Variants in ZZEF1 observed in about 807,000 individuals in gnomAD.
The protein encoded by ZZEF1 is zinc finger ZZ-type and EF-hand domain containing 1, also known as zinc finger ZZ-type and EF-hand domain-containing protein 1.
In ZZEF1, 157 loss-of-function variants were observed where a neutral mutation model predicts 342.8. The observed-to-expected ratio is 0.46, with a 90% CI of 0.40 to 0.52. The LOEUF is 0.52. Among genes scored for constraint, ZZEF1 ranks in the 20% least tolerant of loss-of-function variants. ZZEF1 has a pLI of 0.00. For missense variants in ZZEF1, 3,480 were observed against 3,725.6 expected (o/e 0.93, Z 1.72); for synonymous variants, 1,505 against 1,429.1 (o/e 1.05, Z -1.20).
At chr17:4,133,901 C>T (rs2058708415) in intron 1 of ZZEF1, among the ~76,000 whole-genome samples, 1 of 151,914 alleles carries the variant, frequency 6.6e-6, no homozygotes, top group Admixed American at 6.6e-5. Flanking sequence ...AACAAAGTCT[C>T]ACTATGTTAC....
rs1438788406 is a variant in ZZEF1 at position 4,017,388 on chromosome 17, T to G, written c.7984A>C (p.Lys2662Gln). 1.9e-6 allele frequency: 3 copies of G among 1,599,074 alleles called. No homozygotes were observed. The highest frequency in any genetic ancestry group is 2.6e-6 in the Non-Finnish European group (3 of 1,168,852). Residue 2662 changes from lysine to glutamine, a missense_variant, in exon 48 of 55, where the codon AAG becomes CAG. Lys to Gln is a moderately conservative substitution (Grantham distance 53). Coordinates refer to ENST00000381638, the MANE Select transcript of ZZEF1 (RefSeq NM_015113.4). The surrounding 1 kb of genome is among the most constrained non-coding windows in gnomAD (Gnocchi z 5.1). ...ATAACTACCTTCTCCCACTCATGCT[T>G]TTCTTCCAGCTGCATGAACATATCC... is the stretch of plus-strand genomic sequence containing the variant. ...ILDMFMQLEE[K>Q]HEWEKILQKV...
At chr17:4,010,905 A>T (rs1378747605) in intron 52 of ZZEF1, among the ~76,000 whole-genome samples, 1 of 152,022 alleles carries the variant, frequency 6.6e-6, no homozygotes, top group African/African-American at 2.4e-5. Context: ...GGTTTTCTAC[A>T]ATGCTCACTG....
At chr17:4,112,084 ATATATATATGTTT>A (rs1441906221) in intron 5 of ZZEF1, among the ~76,000 whole-genome samples, 57 of 48,270 alleles carry the variant, frequency 1.2e-3, no homozygotes, top group Non-Finnish European at 1.7e-3. Flanking sequence ...ATATATATAT[ATATATATATGTTT>A]TGTTTTGTTT....
intron 18 of ZZEF1, among the ~76,000 whole-genome samples, chr17:4,080,441 G>T: frequency 6.6e-6 from 1 of 152,164 alleles, no homozygotes; most frequent in East Asian, 1.9e-4. Flanking sequence ...CCAGGTTCAA[G>T]CGATTCTCCT....
chr17:4,054,046 A>G lies in ZZEF1; in HGVS notation c.5434+11T>C. 6.2e-7 allele frequency: 1 copy of G among 1,608,484 alleles called. No individual in the cohort carries two copies. Among genetic ancestry groups the G allele is most frequent in the South Asian group, 1.1e-5 (1 of 89,832 alleles). On this transcript the variant is annotated intron_variant, in intron 34 of 54. Coordinates refer to ENST00000381638, the MANE Select transcript of ZZEF1 (RefSeq NM_015113.4). ...CCTTTGGATACGGCGTACCCAGTTC[A>G]TGAAATTTACCTAGGAAGCAAGTTT...
chr17:4,132,436 C>T (rs188725659), intron 1 of ZZEF1, among the ~76,000 whole-genome samples: 6 of 152,166 alleles, frequency 3.9e-5, no homozygotes, highest in Non-Finnish European at 8.8e-5. Context: ...CACCTGCCTC[C>T]GCCTGTAATC....
At chr17:4,034,399 G>A (rs899298628) in intron 39 of ZZEF1, 107 bp from the exon 40 acceptor site, 28 of 1,159,888 alleles carry the variant, frequency 2.4e-5, no homozygotes, top group Admixed American at 1.2e-4. Context: ...TAGTGCTAAC[G>A]GAATCATGCT....
intron 2 of ZZEF1, among the ~76,000 whole-genome samples, chr17:4,121,965 C>T (rs953998482): frequency 6.6e-6 from 1 of 152,154 alleles, no homozygotes; most frequent in Non-Finnish European, 1.5e-5. Flanking sequence ...AATCCTTCCA[C>T]TTCGGCTTCC....
intron 23 of ZZEF1, 23 bp downstream of exon 23, chr17:4,075,074 C>T: frequency 1.2e-6 from 2 of 1,613,352 alleles, no homozygotes; most frequent in African/African-American, 1.3e-5. Context: ...AAGTAGGTAC[C>T]TCTTTCTGGG....
intron 30 of ZZEF1, among the ~76,000 whole-genome samples, chr17:4,059,687 T>C (rs751664798): frequency 2.0e-5 from 3 of 152,204 alleles, no homozygotes; most frequent in Non-Finnish European, 4.4e-5. Context: ...CTGTCTTTTC[T>C]ACCATGATCC....
At chr17:4,092,148 A>T (rs1597879641) in intron 11 of ZZEF1, among the ~76,000 whole-genome samples, 1 of 151,730 alleles carries the variant, frequency 6.6e-6, no homozygotes, top group East Asian at 1.9e-4. Flanking sequence ...TTCAAGTAAC[A>T]TTCCTAAAAC....
At chr17:4,079,862 A>G (rs2057689864) in intron 18 of ZZEF1, among the ~76,000 whole-genome samples, 1 of 152,218 alleles carries the variant, frequency 6.6e-6, no homozygotes, top group Non-Finnish European at 1.5e-5. Flanking sequence ...AGATTTAAAG[A>G]CACTAAGTTC....
At chr17:4,035,214 C>T (rs1027372412) in intron 39 of ZZEF1, among the ~76,000 whole-genome samples, 1 of 152,172 alleles carries the variant, frequency 6.6e-6, no homozygotes, top group Non-Finnish European at 1.5e-5. Flanking sequence ...TTGTTATTTT[C>T]CACAGGAAAA....
intron 18 of ZZEF1, among the ~76,000 whole-genome samples, 172 bp from the exon 19 acceptor site, chr17:4,078,214 A>C (rs2057659678): frequency 6.6e-6 from 1 of 151,484 alleles, no homozygotes; most frequent in Non-Finnish European, 1.5e-5. Context: ...TATTACGAAA[A>C]CTCCCCTTTC....
chr17:4,109,820 G>A lies in ZZEF1; in HGVS notation c.1110C>T (p.Asp370=), dbSNP rs2058268201. The A allele has an allele frequency of 6.2e-7, 1 of 1,614,220 alleles. No homozygotes were observed. Among genetic ancestry groups the A allele is most frequent in the South Asian group, 1.1e-5 (1 of 91,086 alleles). ...CAGCCCTGAGACCATGAATTCTAGT[G>A]TCGCAGCCATCGCTAAGACAACGCT... is the stretch of plus-strand genomic sequence containing the variant. ...NIKRCLSDGC[D]TRIHGLRAVG... Residue 370 remains aspartate, a synonymous_variant, in exon 6 of 55, where the codon GAC becomes GAT. Transcript: ENST00000381638.
chr17:4,045,057 G>A (rs1033992666), intron 37 of ZZEF1, among the ~76,000 whole-genome samples: 1 of 152,252 alleles, frequency 6.6e-6, no homozygotes, highest in Admixed American at 6.5e-5. Flanking sequence ...AGGAGGCTGA[G>A]GCAGGAGAAT....
intron 1 of ZZEF1, among the ~76,000 whole-genome samples, chr17:4,127,027 G>C (rs1272376925): frequency 2.0e-5 from 3 of 147,928 alleles, no homozygotes; most frequent in Non-Finnish European, 3.0e-5. Flanking sequence ...TTTTTTTTGA[G>C]AAAACAATCT....
At chr17:4,094,736 T>C (rs887292608) in intron 11 of ZZEF1, among the ~76,000 whole-genome samples, 1 of 152,200 alleles carries the variant, frequency 6.6e-6, no homozygotes, top group Non-Finnish European at 1.5e-5. Context: ...TTCCCTCTCC[T>C]GCTCCACATT....
chr17:4,050,891 T>C lies in ZZEF1; in HGVS notation c.5753A>G (p.Asp1918Gly), dbSNP rs575829231. Residue 1918 changes from aspartate to glycine, a missense_variant, in exon 36 of 55, where the codon GAT becomes GGT. Transcript: ENST00000381638. ...LYSAHLASAE[D>G]VDGEKLDPQT... ...GGGGTCCAGCTTCTCCCCATCCACATCCTCTGCACTGGCCAGGTGGGCGCT... is the reference window on the plus strand; with the variant it reads ...GGGGTCCAGCTTCTCCCCATCCACACCCTCTGCACTGGCCAGGTGGGCGCT... 1 of 1,614,144 alleles carries C rather than the reference T, an allele frequency of 6.2e-7. No homozygotes were observed. The highest frequency in any genetic ancestry group is 1.3e-5 in the African/African-American group (1 of 75,028).
Sources: allele counts gnomAD v4.1 joint callset (sites outside exome capture counted in the v4.1 genomes callset), GRCh38; gene constraint gnomAD v4.1.1; non-coding constraint Gnocchi (gnomAD v3.1); transcripts MANE v1.5; gene names NCBI Gene and HGNC (gene_info 2026-07-23, HGNC 2026-07-21).